Variants in BCO1 observed in about 807,000 individuals in gnomAD.
BCO1 encodes the protein beta,beta-carotene 15,15'-dioxygenase.
A neutral mutation model predicts 56.3 loss-of-function variants in BCO1; 54 were observed. The ratio of observed to expected loss-of-function variants is 0.96; its 90% confidence interval spans 0.77 to 1.20. The LOEUF is 1.20. Among genes scored for constraint, BCO1 ranks in the 50% most tolerant of loss-of-function variants. The pLI, the probability that BCO1 is intolerant of heterozygous loss-of-function variation, is 0.00. For synonymous variants in BCO1, 318 were observed against 266.1 expected, an observed-to-expected ratio of 1.20 and a Z score of -1.90; for missense variants, 801 against 690.9, an observed-to-expected ratio of 1.16 and a Z score of -1.79.
Position 81,290,558 on chromosome 16 carries a change from A to C in BCO1, c.1625A>C (p.His542Pro). ...EEQRDRASDC[H>P]GAPLT ...CAGCGGGACAGGGCTTCCGACTGCCACGGGGCTCCTCTGACCTGATGGTGT... is the reference window on the plus strand; with the variant it reads ...CAGCGGGACAGGGCTTCCGACTGCCCCGGGGCTCCTCTGACCTGATGGTGT... The change falls in exon 11 of 11, where the codon CAC becomes CCC. Residue 542 changes from histidine (H) to proline (P), a missense_variant. Physicochemically the swap from His to Pro is moderately conservative, Grantham distance 77 (BLOSUM62 -2). Coordinates refer to ENST00000258168, the MANE Select transcript of BCO1 (RefSeq NM_017429.3). 1 of 1,613,640 alleles carries C rather than the reference A, an allele frequency of 6.2e-7. No individual in the cohort carries two copies. Among genetic ancestry groups the C allele is most frequent in the Non-Finnish European group, 8.5e-7 (1 of 1,179,990 alleles).
chr16:81,281,219 G>T (rs927861173), intron 8 of BCO1, among the ~76,000 whole-genome samples: 1 of 152,180 alleles, frequency 6.6e-6, no homozygotes, highest in Non-Finnish European at 1.5e-5. Flanking sequence ...GCTGAGGGAG[G>T]CAGATCACTT....
intron 7 of BCO1, among the ~76,000 whole-genome samples, chr16:81,272,110 T>A (rs556175918): frequency 7.7e-6 from 1 of 129,862 alleles, no homozygotes; most frequent in Admixed American, 8.5e-5. Flanking sequence ...TTTTCTTTTC[T>A]TTCTTTTTTT....
chr16:81,258,454 G>A (rs1019128679), intron 2 of BCO1, among the ~76,000 whole-genome samples: 5 of 152,194 alleles, frequency 3.3e-5, no homozygotes, highest in African/African-American at 4.8e-5. Context: ...AATATCAAAC[G>A]TTACTCCAGG....
In BCO1 at chr16:81,248,405, C is replaced by CAAAAAAAAAAAAAAAAAAAA. The variant is rs372084002; in HGVS notation, c.193+2804_193+2823dup. 2.1e-4 allele frequency among the ~76,000 whole-genome samples: 22 copies of CAAAAAAAAAAAAAAAAAAAA among 102,790 alleles called. 1 individual carries two copies. Among genetic ancestry groups the CAAAAAAAAAAAAAAAAAAAA allele is most frequent in the African/African-American group, 9.3e-4 (22 of 23,668 alleles). The allele number at this position is 102,790 out of a possible 152,430, so 67.4% of individuals were successfully genotyped here. ...GCAACAAGAGCGAGGCTCCCTCTCA[C>CAAAAAAAAAAAAAAAAAAAA]AAAAAAAAAAAAAAAAAAAAATTAT... On this transcript the variant is annotated intron_variant, in intron 2 of 10. Transcript: ENST00000258168.
intron 8 of BCO1, among the ~76,000 whole-genome samples, 175 bp downstream of exon 8, chr16:81,281,137 A>C (rs1028835042): frequency 2.0e-5 from 3 of 152,008 alleles, no homozygotes; most frequent in Non-Finnish European, 4.4e-5. Context: ...TCTATCTTCA[A>C]ATGCTTCCTA....
chr16:81,246,850 C>CAAAAAAAA (rs71710906), intron 2 of BCO1, among the ~76,000 whole-genome samples: 26 of 83,310 alleles, frequency 3.1e-4, no homozygotes, highest in South Asian at 9.6e-4. Flanking sequence ...GACTTTGTCT[C>CAAAAAAAA]AAAAAAAAAA....
At chr16:81,255,718 G>A (rs1233095356) in intron 2 of BCO1, among the ~76,000 whole-genome samples, 1 of 151,960 alleles carries the variant, frequency 6.6e-6, no homozygotes, top group Non-Finnish European at 1.5e-5. Context: ...TATAGGCCAG[G>A]CTGGTCTCAA....
intron 5 of BCO1, among the ~76,000 whole-genome samples, chr16:81,265,088 A>G (rs936279198): frequency 6.6e-6 from 1 of 150,700 alleles, no homozygotes; most frequent in East Asian, 2.0e-4. Context: ...CCATCCAACC[A>G]TTCCTTCATC....
intron 7 of BCO1, among the ~76,000 whole-genome samples, chr16:81,278,238 C>T (rs1907671681): frequency 6.6e-6 from 1 of 152,086 alleles, no homozygotes; most frequent in Admixed American, 6.6e-5. Context: ...GATGGGGTTT[C>T]ACCATGTTAG....
intron 7 of BCO1, among the ~76,000 whole-genome samples, chr16:81,274,455 G>A (rs1208039945): frequency 5.9e-5 from 9 of 151,918 alleles, no homozygotes; most frequent in African/African-American, 1.4e-4. Context: ...TGGTAGAGAC[G>A]GGGTTTCACC....
intron 8 of BCO1, among the ~76,000 whole-genome samples, chr16:81,285,039 C>T (rs530633464): frequency 2.0e-5 from 3 of 151,926 alleles, no homozygotes; most frequent in African/African-American, 7.2e-5. Context: ...AGGGTTTTGC[C>T]ATGTTGGCCA....
chr16:81,243,717 C>T (rs1021408573), intron 1 of BCO1, among the ~76,000 whole-genome samples: 75 of 152,292 alleles, frequency 4.9e-4, no homozygotes, highest in African/African-American at 1.6e-3. Context: ...GATCTGCCTG[C>T]CTCACCTCCC....
chr16:81,266,503 C>T (rs74029100), intron 5 of BCO1, among the ~76,000 whole-genome samples: 400 of 152,230 alleles, frequency 2.6e-3, no homozygotes, highest in African/African-American at 9.4e-3. Flanking sequence ...AGCAAACTAC[C>T]AGGCACTGCC....
At position 81,259,723 on chromosome 16, in the gene BCO1, A is replaced by T; in HGVS notation, c.241A>T (p.Thr81Ser). 1 of 1,614,186 alleles carries T rather than the reference A, an allele frequency of 6.2e-7. No individual in the cohort carries two copies. ...ATACCTGAGAAGCGATACCTACAAC[A>T]CCAATATTGAGGCAAACAGGATTGT... is the stretch of plus-strand genomic sequence containing the variant. ...SKYLRSDTYN[T>S]NIEANRIVVS... is the part of the protein sequence containing the mutation. Residue 81 changes from threonine (T) to serine (S), a missense_variant, in exon 3 of 11, where the codon ACC becomes TCC. Thr to Ser is a moderately conservative substitution (Grantham distance 58, BLOSUM62 1). Transcript: ENST00000258168.
intron 6 of BCO1, among the ~76,000 whole-genome samples, chr16:81,268,501 G>A (rs1042697978): frequency 3.3e-5 from 5 of 152,188 alleles, no homozygotes; most frequent in Non-Finnish European, 7.3e-5. Flanking sequence ...AACCATGTCT[G>A]CTACCAGTGT....
chr16:81,264,421 T>C (rs1357505797), intron 4 of BCO1, among the ~76,000 whole-genome samples: 1 of 152,070 alleles, frequency 6.6e-6, no homozygotes, highest in Non-Finnish European at 1.5e-5. Context: ...CCATGTGAGG[T>C]TGTATAAGGT....
intron 2 of BCO1, among the ~76,000 whole-genome samples, chr16:81,248,663 T>C (rs11639599): frequency 0.44 from 67,384 of 151,666 alleles, 15,355 homozygotes; most frequent in Middle Eastern, 0.53. Flanking sequence ...AAACAGAAGT[T>C]CCCAATGATT....
intron 3 of BCO1, 123 bp downstream of exon 3, chr16:81,259,928 C>G (rs1246648918): frequency 8.2e-7 from 1 of 1,225,628 alleles, no homozygotes; most frequent in African/African-American, 1.5e-5. Context: ...ACATGACTGC[C>G]CTTTAACCAG....
rs567394078 is a variant in BCO1 at position 81,267,230 on chromosome 16, A to G, written c.620-678A>G. Among the ~76,000 whole-genome samples the G allele has an allele frequency of 1.1e-4, 17 of 152,302 alleles. No individual in the cohort carries two copies. The South Asian group carries it at 3.5e-3, about 32-fold the overall frequency. The stretch of plus-strand genomic sequence containing the variant: ...TTGGCTTAACCCTATGACTCTGACC[A>G]TAATGATAGCCCATTCCACTAAGCC... On this transcript the variant is annotated intron_variant, in intron 5 of 10. Coordinates refer to ENST00000258168, the MANE Select transcript of BCO1 (RefSeq NM_017429.3).
Sources: allele counts gnomAD v4.1 joint callset (sites outside exome capture counted in the v4.1 genomes callset), GRCh38; gene constraint gnomAD v4.1.1; transcripts MANE v1.5; gene names NCBI Gene and HGNC (gene_info 2026-07-23, HGNC 2026-07-21).